Variants in SUN2 observed in about 807,000 individuals in gnomAD.
The protein encoded by SUN2 is Sad1 and UNC84 domain containing 2, also known as SUN domain-containing protein 2.
A neutral mutation model predicts 100.0 loss-of-function variants in SUN2; 60 were observed. The ratio of observed to expected loss-of-function variants is 0.60; its 90% CI spans 0.49 to 0.74. The LOEUF (loss-of-function observed/expected upper bound fraction) is 0.74, where lower values mean the gene tolerates loss of function less well. SUN2 is among the 30% of genes least tolerant of loss of function. The pLI is 0.00. For missense variants in SUN2, 834 were observed against 954.6 expected, an observed-to-expected ratio of 0.87 and a Z score of 1.66; for synonymous variants, 367 against 403.3, an observed-to-expected ratio of 0.91 and a Z score of 1.08.
Position 38,740,681 on chromosome 22 carries a change from C to A in SUN2, c.1191-249G>T. 1.7e-6 allele frequency: 1 copy of A among 572,338 alleles called. No individual in the cohort carries two copies. Among genetic ancestry groups the A allele is most frequent in the East Asian group, 2.8e-5 (1 of 35,130 alleles). The allele number at this position is 572,338 out of a possible 1,614,324, so 35.5% of individuals were successfully genotyped here. A position where few individuals can be genotyped will look rare whatever the true frequency, so the allele number is the denominator to read the frequency against. On this transcript the variant is annotated intron_variant, in intron 11 of 17. Coordinates refer to ENST00000689035, the MANE Select transcript of SUN2 (RefSeq NM_015374.3). This position sits in a 1 kb window ranked among gnomAD's most constrained non-coding sequence, Gnocchi z 4.8. ...AGTCCAGAATGTACTCTGCCTCAGCCTCTCACATCCTCCACAAGCATGGAC... is the reference window on the plus strand; with the variant it reads ...AGTCCAGAATGTACTCTGCCTCAGCATCTCACATCCTCCACAAGCATGGAC...
chr22:38,740,500 A>G lies in SUN2; in HGVS notation c.1191-68T>C. 1 of 1,397,338 alleles carries G rather than the reference A, an allele frequency of 7.2e-7. No individual in the cohort carries two copies. Among genetic ancestry groups the G allele is most frequent in the South Asian group, 1.7e-5 (1 of 60,104 alleles). 86.6% of individuals were successfully genotyped at this position (1,397,338 alleles called of 1,614,324 possible). Reference sequence around the variant, plus strand: ...GGGAGGTAAGGCCACACCAAAGATGAAAGAGGACCCCCTAGTGGGCTCCCG... The same window carrying G: ...GGGAGGTAAGGCCACACCAAAGATGGAAGAGGACCCCCTAGTGGGCTCCCG... On this transcript the variant is annotated intron_variant, in intron 11 of 17. Coordinates refer to ENST00000689035, the MANE Select transcript of SUN2 (RefSeq NM_015374.3). This position sits in a 1 kb window ranked among gnomAD's most constrained non-coding sequence, Gnocchi z 4.8.
At chr22:38,745,040 T>C in intron 8 of SUN2, 4 of 471,194 alleles carry the variant, frequency 8.5e-6, no homozygotes, top group Non-Finnish European at 1.3e-5. Flanking sequence ...TGGATTTGGC[T>C]CTGAGATTTG....
In SUN2 at chr22:38,748,783, C is replaced by A; in HGVS notation, c.615G>T (p.Arg205Ser). The change falls in exon 7 of 18, where the codon AGG (arginine) becomes AGT (serine). Residue 205 changes from arginine to serine, a missense_variant and splice_region_variant. Arg to Ser is a moderately radical substitution (Grantham distance 110, BLOSUM62 -1). Coordinates refer to ENST00000689035, the MANE Select transcript of SUN2 (RefSeq NM_015374.3). The stretch of plus-strand genomic sequence containing the variant: ...GGAACGTCTTCAGGGACGAGAAGCG[C>A]CTGGACCACGCGGGAGGGCAGGACG... ...ASLLDVFVLT[R>S]RFSSLKTFLW... is the part of the protein sequence containing the mutation. The A allele has an allele frequency of 7.4e-6, 12 of 1,614,206 alleles. No homozygotes were observed. Among genetic ancestry groups the A allele is most frequent in the Non-Finnish European group, 1.0e-5 (12 of 1,180,030 alleles).
At position 38,740,429 on chromosome 22, in the gene SUN2, C is replaced by T. The variant is rs549899267; in HGVS notation, c.1194G>A (p.Met398Ile). ...AGCTCTCCTGGAAGGACTCCTGGGT[C>T]ATGCTGGTCCCAGAGAGAGAAGAGT... is the stretch of plus-strand genomic sequence containing the variant. ...IQQLKSEWQSMTQESFQESSV... is the reference protein window; with the variant it reads ...IQQLKSEWQSITQESFQESSV... Residue 398 changes from methionine to isoleucine, a missense_variant, in exon 12 of 18, where the codon ATG becomes ATA. By Grantham distance (10) the Met-to-Ile change is conservative (BLOSUM62 1). Transcript: ENST00000689035. This position sits in a 1 kb window ranked among gnomAD's most constrained non-coding sequence, Gnocchi z 4.8. 2.0e-6 allele frequency: 3 copies of T among 1,508,780 alleles called. No homozygotes were observed. The highest frequency in any genetic ancestry group is 4.4e-5 in the Admixed American group (2 of 45,482). 93.5% of individuals were successfully genotyped at this position (1,508,780 alleles called of 1,614,324 possible).
In SUN2 at chr22:38,750,321, C is replaced by G; in HGVS notation, c.425-1G>C. 2 of 1,613,894 alleles carry G rather than the reference C, an allele frequency of 1.2e-6. No homozygotes were observed. The highest frequency in any genetic ancestry group is 1.7e-6 in the Non-Finnish European group (2 of 1,179,998). On this transcript the variant is annotated splice_acceptor_variant, in intron 4 of 17. Transcript: ENST00000689035. LOFTEE classifies it high-confidence loss of function. The stretch of plus-strand genomic sequence containing the variant: ...CTCTGCTGGTCCACATCCGAGTAGC[C>G]TGCGGGGAACGAGGACACTGGCTCA...
chr22:38,739,473 TC>T lies in SUN2; in HGVS notation c.1579-48del. The T allele has an allele frequency of 6.3e-7, 1 of 1,599,108 alleles. No individual in the cohort carries two copies. The highest frequency in any genetic ancestry group is 8.6e-7 in the Non-Finnish European group (1 of 1,168,782). ...ACGGTTGCAGCAGGGAGCAGACGTG[TC>T]CCCCTGTCACCTCGTGGCCGTGGGC... On this transcript the variant is annotated intron_variant, in intron 13 of 17. Transcript: ENST00000689035. The surrounding 1 kb of genome is among the most constrained non-coding windows in gnomAD (Gnocchi z 6.7).
chr22:38,735,345 A>G lies in SUN2; in HGVS notation c.*922T>C, dbSNP rs2092794240. 1 of 412,174 alleles carries G rather than the reference A, an allele frequency of 2.4e-6. No individual in the cohort carries two copies. Among genetic ancestry groups the G allele is most frequent in the Admixed American group, 3.0e-5 (1 of 33,780 alleles). The allele number at this position is 412,174 out of a possible 1,614,324, so 25.5% of individuals were successfully genotyped here. ...GGGGGCCGGTGCAGACAGACCTCGC[A>G]CCCCGATACCCTGAACGTCCCCACA... On this transcript the variant is annotated 3_prime_UTR_variant, in exon 18 of 18. Transcript: ENST00000689035.
chr22:38,751,353 C>T lies in SUN2; in HGVS notation c.143G>A (p.Ser48Asn). ...SPLRTLKRKS[S>N]NMKRLSPAPQ... Reference sequence around the variant, plus strand: ...CGCTGGGGACAGGCGCTTCATGTTGCTGGATTTCCTCTTCAAGGTCCTGTG... The same window carrying T: ...CGCTGGGGACAGGCGCTTCATGTTGTTGGATTTCCTCTTCAAGGTCCTGTG... The change falls in exon 3 of 18, where the codon AGC (serine) becomes AAC (asparagine). Residue 48 changes from serine (S) to asparagine (N), a missense_variant. Coordinates refer to ENST00000689035, the MANE Select transcript of SUN2 (RefSeq NM_015374.3). 6.2e-7 allele frequency: 1 copy of T among 1,613,842 alleles called. No individual in the cohort carries two copies. Among genetic ancestry groups the T allele is most frequent in the African/African-American group, 1.3e-5 (1 of 75,040 alleles).
At position 38,739,221 on chromosome 22, in the gene SUN2, G is replaced by T; in HGVS notation, c.1663+121C>A. The T allele has an allele frequency of 2.6e-6, 3 of 1,158,218 alleles. No individual in the cohort carries two copies. Among genetic ancestry groups the T allele is most frequent in the Non-Finnish European group, 2.6e-6 (2 of 776,884 alleles). 71.7% of individuals were successfully genotyped at this position (1,158,218 alleles called of 1,614,324 possible). On this transcript the variant is annotated intron_variant, in intron 14 of 17. Coordinates refer to ENST00000689035, the MANE Select transcript of SUN2 (RefSeq NM_015374.3). The surrounding 1 kb of genome is among the most constrained non-coding windows in gnomAD (Gnocchi z 6.7). ...TTGCCTTTGTCATGGGTACTAGGTT[G>T]GGTGATTTCTGCTGATCCTGAGCTT... is the stretch of plus-strand genomic sequence containing the variant.
In SUN2 at chr22:38,738,864, G is replaced by C; in HGVS notation, c.1779+9C>G. The C allele has an allele frequency of 6.2e-7, 1 of 1,600,162 alleles. No homozygotes were observed. Among genetic ancestry groups the C allele is most frequent in the East Asian group, 2.2e-5 (1 of 44,632 alleles). ...AGAGCCCCCGCTGCTGTGCTTGCCAGGTGCCCACCTGGAGGATGACTCGGG... is the reference window on the plus strand; with the variant it reads ...AGAGCCCCCGCTGCTGTGCTTGCCACGTGCCCACCTGGAGGATGACTCGGG... On this transcript the variant is annotated intron_variant, in intron 15 of 17. Coordinates refer to ENST00000689035, the MANE Select transcript of SUN2 (RefSeq NM_015374.3). This position sits in a 1 kb window ranked among gnomAD's most constrained non-coding sequence, Gnocchi z 6.6.
At position 38,734,964 on chromosome 22, in the gene SUN2, C is replaced by T; in HGVS notation, c.*1303G>A. 3.7e-6 allele frequency: 1 copy of T among 268,700 alleles called. No individual in the cohort carries two copies. Among genetic ancestry groups the T allele is most frequent in the Non-Finnish European group, 7.4e-6 (1 of 134,406 alleles). 16.6% of individuals were successfully genotyped at this position (268,700 alleles called of 1,614,324 possible). A position where few individuals can be genotyped will look rare whatever the true frequency, so the allele number is the denominator to read the frequency against. Reference sequence around the variant, plus strand: ...CCGCCTTCTTGCCCCTTCCCCGCAGCCAGACCACCAGACACAGCCGGAACC... The same window carrying T: ...CCGCCTTCTTGCCCCTTCCCCGCAGTCAGACCACCAGACACAGCCGGAACC... On this transcript the variant is annotated 3_prime_UTR_variant, in exon 18 of 18. Coordinates refer to ENST00000689035, the MANE Select transcript of SUN2 (RefSeq NM_015374.3).
At chr22:38,748,829 G>T in intron 6 of SUN2, 46 bp from the exon 7 acceptor site, 1 of 1,589,194 alleles carries the variant, frequency 6.3e-7, no homozygotes, top group Non-Finnish European at 8.6e-7. Context: ...AGGTGTGAGG[G>T]GAGCTCCAGG....
chr22:38,753,210 C>CTTTTTTT (rs869037443), intron 1 of SUN2, among the ~76,000 whole-genome samples: 420 of 86,178 alleles, frequency 4.9e-3, no homozygotes, highest in Non-Finnish European at 6.5e-3. Flanking sequence ...CACCTATGTT[C>CTTTTTTT]TTTTTTTTTT....
At position 38,738,501 on chromosome 22, in the gene SUN2, A is replaced by T; in HGVS notation, c.1947+86T>A. The T allele has an allele frequency of 6.5e-7, 1 of 1,533,682 alleles. No individual in the cohort carries two copies. Among genetic ancestry groups the T allele is most frequent in the Non-Finnish European group, 8.9e-7 (1 of 1,128,190 alleles). On this transcript the variant is annotated intron_variant, in intron 16 of 17. Coordinates refer to ENST00000689035, the MANE Select transcript of SUN2 (RefSeq NM_015374.3). This position sits in a 1 kb window ranked among gnomAD's most constrained non-coding sequence, Gnocchi z 6.6. ...ATCCACTCCCCTCCCTTCCAGTCCA[A>T]GGGTGACCCTGACTTGATCCTCAGT...
In SUN2 at chr22:38,755,964, C is replaced by G. The variant is rs560748934; in HGVS notation, c.-239G>C. 6.8e-5 allele frequency: 67 copies of G among 983,816 alleles called. No individual in the cohort carries two copies. Among genetic ancestry groups the G allele is most frequent in the Middle Eastern group, 1.0e-3 (2 of 1,914 alleles). 60.9% of individuals were successfully genotyped at this position (983,816 alleles called of 1,614,324 possible). On this transcript the variant is annotated 5_prime_UTR_variant, in exon 1 of 18. Coordinates refer to ENST00000689035, the MANE Select transcript of SUN2 (RefSeq NM_015374.3). This position sits in a 1 kb window ranked among gnomAD's most constrained non-coding sequence, Gnocchi z 5.7. ...GCGGACAATGCGGCCGGCGGAGGCC[C>G]GCGCTGCGCGAGTGGGGCCGGGCGG...
intron 8 of SUN2, among the ~76,000 whole-genome samples, chr22:38,744,413 C>A (rs2092886699): frequency 6.6e-6 from 1 of 151,720 alleles, no homozygotes; most frequent in Non-Finnish European, 1.5e-5. Context: ...CCTGTCTCTA[C>A]AAAAATTTTT....
chr22:38,745,788 C>A lies in SUN2; in HGVS notation c.709G>T (p.Gly237Trp). The change falls in exon 8 of 18, where the codon GGG becomes TGG. Residue 237 changes from glycine to tryptophan, a missense_variant. This residue lies in a region of SUN2 where 559 missense variants were observed against 597.7 expected (regional missense o/e 0.94). Coordinates refer to ENST00000689035, the MANE Select transcript of SUN2 (RefSeq NM_015374.3). ...AAAGCAGGGTGGAATGTCTGCAGCCCATAGGGGTAGAAATACCAAGCACCT... is the reference window on the plus strand; with the variant it reads ...AAAGCAGGGTGGAATGTCTGCAGCCAATAGGGGTAGAAATACCAAGCACCT... ...TYGAWYFYPY[G>W]LQTFHPALVS... The A allele has an allele frequency of 3.1e-6, 5 of 1,614,042 alleles. No individual in the cohort carries two copies. In the African/African-American group the frequency reaches 4.0e-5, roughly 13 times the overall value.
rs762660159 is a variant in SUN2 at position 38,742,417 on chromosome 22, C to A, written c.952G>T (p.Gly318Ter). The change falls in exon 9 of 18, where the codon GGA (glycine) becomes TGA (stop). Residue 318 changes from glycine (G) to a stop codon, truncating the protein, a stop_gained. Transcript: ENST00000689035. LOFTEE classifies it high-confidence loss of function. Reference sequence around the variant, plus strand: ...TCGTGGCTCAGGCCACCACCACCTCCCTGGCCAGGAGCCCCTTGCCGCAGC... The same window carrying A: ...TCGTGGCTCAGGCCACCACCACCTCACTGGCCAGGAGCCCCTTGCCGCAGC... ...LELRQGAPGQGGGGGLSHEDT... is the reference protein window; with the variant it reads ...LELRQGAPGQ 6.2e-7 allele frequency: 1 copy of A among 1,613,426 alleles called. No homozygotes were observed. The highest frequency in any genetic ancestry group is 1.1e-5 in the South Asian group (1 of 91,090).
At chr22:38,754,725 C>T in intron 1 of SUN2, 2 of 1,289,010 alleles carry the variant, frequency 1.6e-6, no homozygotes, top group Non-Finnish European at 2.0e-6. Context: ...AGGGCAGAAA[C>T]AAGGCAACAT....
Sources: gnomAD v4.1 joint callset for allele counts (sites outside exome capture counted in the v4.1 genomes callset) on GRCh38, gnomAD v4.1.1 for gene constraint, gnomAD v4.1.1 regional missense constraint, Gnocchi (gnomAD v3.1) non-coding constraint, MANE v1.5 for transcripts, NCBI Gene and HGNC (gene_info 2026-07-23, HGNC 2026-07-21) for gene names.